Variants in SRD5A2 observed in about 807,000 individuals in gnomAD.
SRD5A2 encodes 3-oxo-5-alpha-steroid 4-dehydrogenase 2.
SRD5A2 carries 30 observed loss-of-function variants against 27.4 expected under a neutral mutation model. That is an observed-to-expected ratio of 1.10 (90% CI 0.82 to 1.49). SRD5A2 has a LOEUF of 1.49. Among genes scored for constraint, SRD5A2 ranks in the 40% most tolerant of loss-of-function variants. SRD5A2 has a pLI of 0.00. For missense variants in SRD5A2, 348 were observed against 323.4 expected (o/e 1.08, Z -0.58); for synonymous variants, 141 against 133.6 (o/e 1.06, Z -0.38).
intron 1 of SRD5A2, among the ~76,000 whole-genome samples, chr2:31,579,703 T>C (rs1005570888): frequency 1.3e-5 from 2 of 152,180 alleles, no homozygotes; most frequent in African/African-American, 4.8e-5. Context: ...AGTGAGACCA[T>C]AGATACTAAA....
At chr2:31,612,268 A>C in the SRD5A2 span, among the ~76,000 whole-genome samples, 998 of 151,868 alleles carry the variant, frequency 6.6e-3, 16 homozygotes, top group African/African-American at 0.022. Flanking sequence ...GTGACAGAGC[A>C]AGACTGCGTC....
At chr2:31,570,418 C>G (rs558371421) in intron 1 of SRD5A2, among the ~76,000 whole-genome samples, 67 of 152,282 alleles carry the variant, frequency 4.4e-4, no homozygotes, top group African/African-American at 1.6e-3. Context: ...CAGCTAACAT[C>G]ATACTGAATA....
At chr2:31,591,779 C>A in the SRD5A2 span, among the ~76,000 whole-genome samples, 1 of 53,636 alleles carries the variant, frequency 1.9e-5, no homozygotes. Context: ...GAGTTCATGT[C>A]CTTTGTNAGG....
the SRD5A2 span, among the ~76,000 whole-genome samples, chr2:31,620,018 C>T: frequency 9.8e-3 from 1,498 of 152,114 alleles, 17 homozygotes; most frequent in Middle Eastern, 0.048. Context: ...TTTGTCAGTG[C>T]CTATGTCCTG....
At chr2:31,528,072 T>C (rs1665821768) in intron 4 of SRD5A2, among the ~76,000 whole-genome samples, 1 of 152,206 alleles carries the variant, frequency 6.6e-6, no homozygotes, top group Admixed American at 6.5e-5. Flanking sequence ...GCAATACTTT[T>C]AGTTAATTCT....
chr2:31,624,568 T>C, the SRD5A2 span, among the ~76,000 whole-genome samples: 4 of 152,082 alleles, frequency 2.6e-5, no homozygotes, highest in African/African-American at 7.2e-5. Context: ...CTAAGTGTTC[T>C]CATTGTTCAA....
the SRD5A2 span, among the ~76,000 whole-genome samples, chr2:31,603,075 T>A: frequency 1.3e-5 from 2 of 152,220 alleles, 1 homozygote; most frequent in South Asian, 4.1e-4. Context: ...TGTTATCTAA[T>A]TAAACTAAAG....
At chr2:31,571,336 G>T (rs1666845480) in intron 1 of SRD5A2, among the ~76,000 whole-genome samples, 1 of 152,096 alleles carries the variant, frequency 6.6e-6, no homozygotes, top group African/African-American at 2.4e-5. Flanking sequence ...ATTGGAACTG[G>T]ACCACTACCT....
chr2:31,651,995 G>C, the SRD5A2 span: 1 of 152,754 alleles, frequency 6.5e-6, no homozygotes, highest in East Asian at 1.9e-4. Flanking sequence ...TTCTGAGATA[G>C]CATCTTGCTC....
the SRD5A2 span, among the ~76,000 whole-genome samples, chr2:31,611,948 T>C: frequency 4.1e-4 from 63 of 152,272 alleles, no homozygotes; most frequent in African/African-American, 1.2e-3. Context: ...AGTTGGGGCA[T>C]ATCCATACAA....
the SRD5A2 span, among the ~76,000 whole-genome samples, chr2:31,633,430 T>G: frequency 1.3e-5 from 2 of 151,850 alleles, no homozygotes; most frequent in African/African-American, 4.9e-5. Flanking sequence ...AAAGAAATAA[T>G]TCCCTGCACT....
At chr2:31,527,221 T>A (rs1665801587) in intron 4 of SRD5A2, among the ~76,000 whole-genome samples, 1 of 152,190 alleles carries the variant, frequency 6.6e-6, no homozygotes, top group African/African-American at 2.4e-5. Context: ...ATAAGAAGCC[T>A]GTCTGCTTAA....
chr2:31,630,111 T>C, the SRD5A2 span, among the ~76,000 whole-genome samples: 6 of 152,152 alleles, frequency 3.9e-5, no homozygotes, highest in African/African-American at 1.4e-4. Flanking sequence ...TGCTCTCCCA[T>C]TTGTAAGATG....
In SRD5A2 at chr2:31,560,062, C is replaced by A. The variant is rs1001560591; in HGVS notation, c.281+20558G>T. ...TATCTATGTACATACCAATCCCCCC[C>A]CCCCCCTTTTTTTAAAAAGTCATTG... On this transcript the variant is annotated intron_variant, in intron 1 of 4. Coordinates refer to ENST00000622030, the MANE Select transcript of SRD5A2 (RefSeq NM_000348.4). Among the ~76,000 whole-genome samples the A allele has an allele frequency of 2.7e-5, 4 of 148,244 alleles. No individual in the cohort carries two copies. In the East Asian group the frequency reaches 8.1e-4, roughly 30 times the overall value.
At chr2:31,605,010 TG>T in the SRD5A2 span, among the ~76,000 whole-genome samples, 1 of 151,656 alleles carries the variant, frequency 6.6e-6, no homozygotes, top group Non-Finnish European at 1.5e-5. Flanking sequence ...ACACCTACAG[TG>T]AACTGATTTT....
At chr2:31,634,323 G>T in the SRD5A2 span, among the ~76,000 whole-genome samples, 1 of 152,094 alleles carries the variant, frequency 6.6e-6, no homozygotes, top group East Asian at 1.9e-4. Context: ...AAGAAAAAAG[G>T]TTTAAAAAAA....
At chr2:31,526,494 G>A (rs1014593440) in intron 4 of SRD5A2, among the ~76,000 whole-genome samples, 1 of 152,122 alleles carries the variant, frequency 6.6e-6, no homozygotes, top group African/African-American at 2.4e-5. Context: ...GGTGATGGCT[G>A]TGCAATATTA....
At chr2:31,580,984 A>C (rs2148107547), upstream of SRD5A2, 1 of 1,423,546 alleles carries the variant, frequency 7.0e-7, no homozygotes, top group Non-Finnish European at 9.3e-7. Flanking sequence ...GCCAGACGCC[A>C]CCCGTGTCCG....
intron 1 of SRD5A2, among the ~76,000 whole-genome samples, chr2:31,546,959 G>A (rs28383024): frequency 8.9e-4 from 135 of 152,142 alleles, no homozygotes; most frequent in African/African-American, 2.9e-3. Context: ...GTAGCCAGGC[G>A]TGGTGGCACA....
Sources: allele counts gnomAD v4.1 joint callset (sites outside exome capture counted in the v4.1 genomes callset), GRCh38; gene constraint gnomAD v4.1.1; transcripts MANE v1.5; gene names NCBI Gene and HGNC (gene_info 2026-07-23, HGNC 2026-07-21).